The following AKAP9 variants were observed in gnomAD, a reference collection of about 807,000 sequenced individuals.
AKAP9 encodes A-kinase anchor protein 9.
Under a neutral mutation model 488.5 loss-of-function variants are expected in AKAP9, and 311 were observed. That is an observed-to-expected ratio of 0.64 (90% confidence interval 0.58 to 0.70). The LOEUF (loss-of-function observed/expected upper bound fraction) is 0.70. AKAP9 is among the 30% of genes least tolerant of loss of function. AKAP9 has a pLI of 0.00. For missense variants in AKAP9, 4,215 were observed against 4,374.5 expected (o/e 0.96, Z 1.03); for synonymous variants, 1,462 against 1,483.5 (o/e 0.99, Z 0.33).
chr7:91,994,530 C>A, intron 5 of AKAP9, 91 bp from the exon 6 acceptor site: 1 of 1,037,706 alleles, frequency 9.6e-7, no homozygotes, highest in Non-Finnish European at 1.4e-6. Context: ...AAGAATTATG[C>A]CAATGTGTTT....
chr7:92,101,436 CAAA>C (rs34162437), intron 45 of AKAP9, among the ~76,000 whole-genome samples: 1 of 131,786 alleles, frequency 7.6e-6, no homozygotes. Flanking sequence ...GACTCCGTCT[CAAA>C]AAAAAAAAAA....
chr7:92,004,576 G>T (rs556623920), intron 8 of AKAP9, among the ~76,000 whole-genome samples: 2 of 151,766 alleles, frequency 1.3e-5, no homozygotes, highest in African/African-American at 4.8e-5. Context: ...TCTCATTGAA[G>T]CAATTGTGAA....
intron 22 of AKAP9, among the ~76,000 whole-genome samples, chr7:92,054,557 A>T (rs1808473996): frequency 6.6e-6 from 1 of 152,020 alleles, no homozygotes; most frequent in Non-Finnish European, 1.5e-5. Context: ...GATGTTTAAG[A>T]TGAGTTATTC....
chr7:92,034,482 A>ATATC (rs1554424477), intron 16 of AKAP9, among the ~76,000 whole-genome samples: 1 of 109,236 alleles, frequency 9.2e-6, no homozygotes, highest in African/African-American at 3.7e-5. Flanking sequence ...GTATATATCT[A>ATATC]TATATATATA....
At chr7:91,978,728 A>ACTTTT (rs1287263325) in intron 2 of AKAP9, among the ~76,000 whole-genome samples, 1 of 151,612 alleles carries the variant, frequency 6.6e-6, no homozygotes, top group Non-Finnish European at 1.5e-5. Flanking sequence ...GAGAAATTGA[A>ACTTTT]CTTTTCTTTT....
intron 1 of AKAP9, among the ~76,000 whole-genome samples, chr7:91,963,678 C>T (rs373098036): frequency 6.6e-6 from 1 of 152,036 alleles, no homozygotes; most frequent in Non-Finnish European, 1.5e-5. Flanking sequence ...CCACCATGCC[C>T]GGCTAATTTT....
Position 92,100,926 on chromosome 7 carries a change from AC to A in AKAP9, c.10968del (p.Asn3656LysfsTer5), listed in dbSNP as rs1817424719. The A allele has an allele frequency of 6.2e-7, 1 of 1,614,066 alleles. No individual in the cohort carries two copies. The highest frequency in any genetic ancestry group is 8.5e-7 in the Non-Finnish European group (1 of 1,180,042). On this transcript the variant is annotated frameshift_variant, in exon 45 of 50. Transcript: ENST00000356239. LOFTEE classifies it high-confidence loss of function. ...ATTGCCTCTGAAAAAGAAGTATGGA[AC>A]AGAGAAAAATTGACTCTCCAGAAAT... is the stretch of plus-strand genomic sequence containing the variant. ...AIIASEKEVWNREKLTLQKSL... is the reference protein window; with the variant it reads ...AIIASEKEVWXREKLTLQKSL...
intron 45 of AKAP9, among the ~76,000 whole-genome samples, chr7:92,102,163 T>TAAA (rs71933089): frequency 9.3e-6 from 1 of 107,482 alleles, no homozygotes; most frequent in South Asian, 3.1e-4. Flanking sequence ...CTCATAAATT[T>TAAA]AAAAAAAAAA....
intron 47 of AKAP9, among the ~76,000 whole-genome samples, chr7:92,106,830 T>C (rs570424251): frequency 2.6e-4 from 39 of 152,298 alleles, no homozygotes; most frequent in Non-Finnish European, 4.4e-4. Flanking sequence ...TTTTGAAATA[T>C]CATTACACTG....
In AKAP9 at chr7:92,070,099, C is replaced by T; in HGVS notation, c.6400C>T (p.Gln2134Ter). The change falls in exon 27 of 50, where the codon CAG becomes TAG. Residue 2134 changes from glutamine to a stop codon, truncating the protein, a stop_gained. Transcript: ENST00000356239. LOFTEE classifies it high-confidence loss of function. ...KCSELLLSKE[Q>*]LQRDIQERNE... ...CAGTGAGCTTTTGCTCTCTAAAGAG[C>T]AGCTTCAAAGGGATATACAAGAAAG... 1 of 1,613,894 alleles carries T rather than the reference C, an allele frequency of 6.2e-7. No individual in the cohort carries two copies. Among genetic ancestry groups the T allele is most frequent in the Non-Finnish European group, 8.5e-7 (1 of 1,179,928 alleles).
chr7:92,068,383 A>G (rs940873016), intron 26 of AKAP9, among the ~76,000 whole-genome samples: 205 of 151,418 alleles, frequency 1.4e-3, no homozygotes, highest in Admixed American at 2.6e-3. Context: ...AAAAAAAAAA[A>G]AAAAGAAAAA....
At chr7:92,105,054 A>G (rs1057011667) in intron 46 of AKAP9, among the ~76,000 whole-genome samples, 1 of 152,136 alleles carries the variant, frequency 6.6e-6, no homozygotes, top group Non-Finnish European at 1.5e-5. Flanking sequence ...TGTTTATCAT[A>G]TTTTGACCCT....
intron 14 of AKAP9, among the ~76,000 whole-genome samples, chr7:92,025,869 A>T (rs1213396815): frequency 6.6e-6 from 1 of 152,216 alleles, no homozygotes; most frequent in African/African-American, 2.4e-5. Flanking sequence ...CAGGGACTTC[A>T]GTGTAATCAC....
chr7:92,076,855 A>T lies in AKAP9; in HGVS notation c.6613A>T (p.Ile2205Phe). The change falls in exon 29 of 50, where the codon ATT becomes TTT. Residue 2205 changes from isoleucine to phenylalanine, a missense_variant and splice_region_variant. By Grantham distance (21) the Ile-to-Phe change is conservative. Coordinates refer to ENST00000356239, the MANE Select transcript of AKAP9 (RefSeq NM_005751.5). ...RDAIDRKEKEITNLEEQLEQF... is the reference protein window; with the variant it reads ...RDAIDRKEKEFTNLEEQLEQF... The stretch of plus-strand genomic sequence containing the variant: ...TCTTTTGATAATTTTGTTATTAAAG[A>T]TTACAAACTTAGAAGAGCAATTAGA... 2 of 1,435,420 alleles carry T rather than the reference A, an allele frequency of 1.4e-6. No homozygotes were observed. Among genetic ancestry groups the T allele is most frequent in the Non-Finnish European group, 1.9e-6 (2 of 1,043,712 alleles). 88.9% of individuals were successfully genotyped at this position (1,435,420 alleles called of 1,614,324 possible).
intron 1 of AKAP9, among the ~76,000 whole-genome samples, chr7:91,953,263 A>G (rs1161133915): frequency 1.3e-5 from 2 of 152,230 alleles, no homozygotes; most frequent in Non-Finnish European, 2.9e-5. Context: ...AATGTGGTCA[A>G]GGTTTCAGTT....
chr7:91,986,576 A>G (rs1797122578), intron 3 of AKAP9, among the ~76,000 whole-genome samples: 1 of 152,216 alleles, frequency 6.6e-6, no homozygotes, highest in Non-Finnish European at 1.5e-5. Flanking sequence ...TGAAAAGCTA[A>G]AGAGGTCAAA....
chr7:92,077,613 T>C, intron 29 of AKAP9, 83 bp from the exon 30 acceptor site: 1 of 1,164,222 alleles, frequency 8.6e-7, no homozygotes, highest in South Asian at 1.2e-5. Flanking sequence ...TTGTACGTTA[T>C]AGGCTCTGAT....
At chr7:92,058,528 A>G (rs1809209615) in intron 22 of AKAP9, 3 of 291,262 alleles carry the variant, frequency 1.0e-5, no homozygotes, top group Non-Finnish European at 2.0e-5. Flanking sequence ...CTACTCATTC[A>G]TTCTAGATGT....
In AKAP9 at chr7:92,110,214, C is replaced by A; in HGVS notation, c.*55C>A. On this transcript the variant is annotated 3_prime_UTR_variant, in exon 50 of 50. Coordinates refer to ENST00000356239, the MANE Select transcript of AKAP9 (RefSeq NM_005751.5). ...TTTAAATAGATTTCCTTTTGTAAATCAATGGTTCTTTTGTGCTTTTGTATT... is the reference window on the plus strand; with the variant it reads ...TTTAAATAGATTTCCTTTTGTAAATAAATGGTTCTTTTGTGCTTTTGTATT... The A allele has an allele frequency of 2.9e-6, 4 of 1,383,720 alleles. No individual in the cohort carries two copies. The South Asian group carries it at 4.8e-5, about 17-fold the overall frequency. 85.7% of individuals were successfully genotyped at this position (1,383,720 alleles called of 1,614,324 possible).
Sources: gnomAD v4.1 joint callset for allele counts (sites outside exome capture counted in the v4.1 genomes callset) on GRCh38, gnomAD v4.1.1 for gene constraint, MANE v1.5 for transcripts, NCBI Gene and HGNC (gene_info 2026-07-23, HGNC 2026-07-21) for gene names.